The following CDH18 variants were observed in gnomAD, a reference collection of about 807,000 sequenced individuals.
The protein encoded by CDH18 is cadherin 18.
In CDH18, 31 loss-of-function variants were observed where a neutral mutation model predicts 67.9. That is an observed-to-expected ratio of 0.46 (90% CI 0.34 to 0.62). The LOEUF (loss-of-function observed/expected upper bound fraction) is 0.62. Ranked by LOEUF, CDH18 falls within the 20% of genes least tolerant of loss-of-function variation. CDH18 has a pLI of 0.01. For missense variants in CDH18, 890 were observed against 975.5 expected (o/e 0.91, Z 1.17); for synonymous variants, 362 against 347.2 (o/e 1.04, Z -0.48).
At chr5:20,042,853 T>A (rs1324099215) in intron 2 of CDH18, among the ~76,000 whole-genome samples, 1 of 151,798 alleles carries the variant, frequency 6.6e-6, no homozygotes, top group African/African-American at 2.4e-5. Context: ...TCCCAGCTAC[T>A]CGGGAGGCTG....
At chr5:19,961,870 T>G (rs1179978365) in intron 2 of CDH18, among the ~76,000 whole-genome samples, 1 of 152,120 alleles carries the variant, frequency 6.6e-6, no homozygotes, top group Non-Finnish European at 1.5e-5. Context: ...GCAGTAATTA[T>G]TGCATTAGCT....
chr5:19,771,789 A>G (rs1363997293), intron 3 of CDH18, among the ~76,000 whole-genome samples: 1 of 152,190 alleles, frequency 6.6e-6, no homozygotes, highest in Non-Finnish European at 1.5e-5. Context: ...TTATAGGCCA[A>G]ACGAAACTAA....
intron 1 of CDH18, among the ~76,000 whole-genome samples, chr5:20,566,832 G>A (rs1045755132): frequency 2.0e-5 from 3 of 152,008 alleles, no homozygotes; most frequent in Non-Finnish European, 4.4e-5. Flanking sequence ...GACAGTTACC[G>A]CTTGGTTACA....
chr5:19,489,440 G>A lies in CDH18; in HGVS notation c.1631-5888C>T, dbSNP rs113726006. Among the ~76,000 whole-genome samples, 522 of 151,736 alleles carry A rather than the reference G, an allele frequency of 3.4e-3. 3 individuals are homozygous for A. Among genetic ancestry groups the A allele is most frequent in the African/African-American group, 0.012 (493 of 41,378 alleles). On this transcript the variant is annotated intron_variant, in intron 11 of 12. Transcript: ENST00000382275. Reference sequence around the variant, plus strand: ...TGTTTTGTATTTTTAGTAGAGACAGGGTTTCACCATGTTGGCCAGGCTGGT... The same window carrying A: ...TGTTTTGTATTTTTAGTAGAGACAGAGTTTCACCATGTTGGCCAGGCTGGT...
chr5:20,317,838 T>A (rs1471323256), intron 1 of CDH18, among the ~76,000 whole-genome samples: 1 of 152,140 alleles, frequency 6.6e-6, no homozygotes, highest in East Asian at 1.9e-4. Context: ...ATTAGAATGG[T>A]TGCAAGTCCC....
chr5:20,222,331 T>C (rs1425057320), intron 2 of CDH18, among the ~76,000 whole-genome samples: 2 of 152,298 alleles, frequency 1.3e-5, no homozygotes, highest in East Asian at 3.9e-4. Context: ...GCTCATTTAA[T>C]CCTCATGGTA....
intron 10 of CDH18, among the ~76,000 whole-genome samples, chr5:19,510,915 G>A (rs535153366): frequency 5.3e-5 from 8 of 151,756 alleles, no homozygotes; most frequent in African/African-American, 7.3e-5. Context: ...GGGTTCAAGC[G>A]ATTCTCCTGC....
At chr5:20,228,281 G>A (rs972772825) in intron 2 of CDH18, among the ~76,000 whole-genome samples, 2 of 152,040 alleles carry the variant, frequency 1.3e-5, no homozygotes, top group African/African-American at 2.4e-5. Context: ...CAAGCTAGAA[G>A]TACTATAAGT....
chr5:20,086,645 C>T (rs1041755859), intron 2 of CDH18, among the ~76,000 whole-genome samples: 2 of 151,740 alleles, frequency 1.3e-5, no homozygotes, highest in Non-Finnish European at 2.9e-5. Context: ...AAGAATTATG[C>T]TAAATCTACT....
At chr5:19,674,249 C>A (rs756061568) in intron 5 of CDH18, among the ~76,000 whole-genome samples, 5 of 151,888 alleles carry the variant, frequency 3.3e-5, no homozygotes, top group African/African-American at 4.8e-5. Flanking sequence ...AATGAAAGAC[C>A]TGTATTAAAA....
intron 1 of CDH18, among the ~76,000 whole-genome samples, chr5:20,439,782 C>T (rs13357704): frequency 0.18 from 27,848 of 151,402 alleles, 3,178 homozygotes; most frequent in East Asian, 0.3. Flanking sequence ...TATTTTACTC[C>T]GTGTGGAATG....
At chr5:19,830,832 A>G (rs1370905176) in intron 3 of CDH18, among the ~76,000 whole-genome samples, 1 of 152,154 alleles carries the variant, frequency 6.6e-6, no homozygotes, top group East Asian at 1.9e-4. Context: ...CGGCACATAC[A>G]AACCATGGAA....
At chr5:19,538,109 C>T (rs1749694971) in intron 9 of CDH18, among the ~76,000 whole-genome samples, 1 of 152,066 alleles carries the variant, frequency 6.6e-6, no homozygotes, top group Admixed American at 6.5e-5. Context: ...ATGCATTATA[C>T]CAGGGACACA....
intron 2 of CDH18, among the ~76,000 whole-genome samples, chr5:20,052,434 C>T (rs879620040): frequency 7.2e-5 from 11 of 151,942 alleles, no homozygotes; most frequent in Non-Finnish European, 1.6e-4. Flanking sequence ...TGGGTGCAAC[C>T]GATAGTCTTT....
chr5:20,501,464 ATATATATTATATACATAT>A (rs1329587807), intron 1 of CDH18, among the ~76,000 whole-genome samples: 1 of 104,230 alleles, frequency 9.6e-6, no homozygotes, highest in African/African-American at 3.5e-5. Context: ...TATACATATT[ATATATATTATATACATAT>A]TATATATATT....
chr5:19,473,104 A>C lies in CDH18; in HGVS notation c.*122T>G, dbSNP rs1737809337. On this transcript the variant is annotated 3_prime_UTR_variant, in exon 13 of 13. Transcript: ENST00000382275. ...TCATGAAAAGGGCACTTGTTTCTAC[A>C]GGAGCTGTGTCCAGCTTCCTCAGTT... is the stretch of plus-strand genomic sequence containing the variant. 1 of 1,143,960 alleles carries C rather than the reference A, an allele frequency of 8.7e-7. No individual in the cohort carries two copies. The highest frequency in any genetic ancestry group is 2.3e-5 in the Admixed American group (1 of 43,432). The allele number at this position is 1,143,960 out of a possible 1,614,324, so 70.9% of individuals were successfully genotyped here.
intron 2 of CDH18, among the ~76,000 whole-genome samples, chr5:20,005,957 T>G (rs548491432): frequency 6.6e-6 from 1 of 151,972 alleles, no homozygotes; most frequent in African/African-American, 2.4e-5. Context: ...TTGAAAGAGA[T>G]AGAATTCCTT....
chr5:19,763,359 T>C (rs1772626379), intron 3 of CDH18, among the ~76,000 whole-genome samples: 1 of 152,124 alleles, frequency 6.6e-6, no homozygotes, highest in African/African-American at 2.4e-5. Context: ...ATCCTGAAAG[T>C]AGCACAAACA....
At chr5:20,232,795 A>G (rs1194256426) in intron 2 of CDH18, among the ~76,000 whole-genome samples, 6 of 152,080 alleles carry the variant, frequency 3.9e-5, no homozygotes, top group Non-Finnish European at 8.8e-5. Context: ...TTAACCATAT[A>G]TGCTACATTT....
Sources: gnomAD v4.1 joint callset for allele counts (sites outside exome capture counted in the v4.1 genomes callset) on GRCh38, gnomAD v4.1.1 for gene constraint, MANE v1.5 for transcripts, NCBI Gene and HGNC (gene_info 2026-07-23, HGNC 2026-07-21) for gene names.